Variants in S100Z observed in about 807,000 individuals in gnomAD.
S100Z encodes the protein protein S100-Z.
S100Z carries 11 observed loss-of-function variants against 8.5 expected under a neutral mutation model. The ratio of observed to expected loss-of-function variants is 1.30; its 90% confidence interval spans 0.82 to 2.15. The LOEUF (loss-of-function observed/expected upper bound fraction) is 2.15, where lower values mean the gene tolerates loss of function less well. Among genes scored for constraint, S100Z ranks in the 30% most tolerant of loss-of-function variants. The probability of loss-of-function intolerance (pLI) is 0.00; values close to 1 mark genes in which losing one functional copy is unlikely to be tolerated. For missense variants in S100Z, 126 were observed against 117.9 expected, an observed-to-expected ratio of 1.07 and a Z score of -0.32; for synonymous variants, 34 against 43.8, an observed-to-expected ratio of 0.78 and a Z score of 0.89.
chr5:76,939,144 C>T, the S100Z span, among the ~76,000 whole-genome samples: 1 of 118,008 alleles, frequency 8.5e-6, no homozygotes, highest in Non-Finnish European at 1.8e-5. Context: ...AAGTTTGGGG[C>T]TGCAAATTTT....
intron 1 of S100Z, among the ~76,000 whole-genome samples, 180 bp downstream of exon 1, chr5:76,850,335 GGAGAGA>G (rs1172691001): frequency 1.8e-5 from 2 of 111,000 alleles, no homozygotes; most frequent in Non-Finnish European, 1.8e-5. Context: ...GGGGGGTGGG[GGAGAGA>G]GAGAGAGAGA....
the S100Z span, among the ~76,000 whole-genome samples, chr5:76,939,462 A>G: frequency 6.7e-6 from 1 of 149,890 alleles, no homozygotes; most frequent in Non-Finnish European, 1.5e-5. Flanking sequence ...TGGGGCTGCA[A>G]ATTTTTATAT....
At position 76,855,886 on chromosome 5, in the gene S100Z, G is replaced by A. The variant is rs889527888; in HGVS notation, c.-176+5731G>A. Among the ~76,000 whole-genome samples the A allele has an allele frequency of 6.6e-5, 10 of 152,178 alleles. 1 individual carries two copies. The highest frequency in any genetic ancestry group is 5.9e-4 in the Admixed American group (9 of 15,274). ...TGTTGAATTGTAATCCCCACCATTGGAGGTGGGGCCTGGTGGAAGGTGATT... is the reference window on the plus strand; with the variant it reads ...TGTTGAATTGTAATCCCCACCATTGAAGGTGGGGCCTGGTGGAAGGTGATT... On this transcript the variant is annotated intron_variant, in intron 1 of 4. Coordinates refer to ENST00000317593, the MANE Select transcript of S100Z (RefSeq NM_130772.4).
chr5:76,936,479 A>T, the S100Z span, among the ~76,000 whole-genome samples: 1 of 152,158 alleles, frequency 6.6e-6, no homozygotes, highest in African/African-American at 2.4e-5. Context: ...TATTTTAAAC[A>T]ATTTTTTAAA....
intron 1 of S100Z, among the ~76,000 whole-genome samples, chr5:76,859,168 A>G (rs1387410690): frequency 2.0e-5 from 3 of 152,174 alleles, no homozygotes; most frequent in African/African-American, 4.8e-5. Context: ...ATAGCCAGAG[A>G]GTTTGCATTG....
intron 1 of S100Z, among the ~76,000 whole-genome samples, chr5:76,863,748 C>T (rs374750133): frequency 3.2e-4 from 49 of 152,140 alleles, no homozygotes; most frequent in Non-Finnish European, 5.9e-4. Context: ...CCGTGTTAGC[C>T]AGGATGGTCT....
chr5:76,906,696 G>A (rs1178210964), intron 4 of S100Z, among the ~76,000 whole-genome samples: 2 of 151,140 alleles, frequency 1.3e-5, no homozygotes, highest in South Asian at 2.1e-4. Flanking sequence ...GCAGTAGTGC[G>A]ATCTCAGCTC....
chr5:76,881,808 G>A (rs1259879109), intron 4 of S100Z, among the ~76,000 whole-genome samples: 2 of 152,196 alleles, frequency 1.3e-5, no homozygotes, highest in African/African-American at 2.4e-5. Context: ...AACTCTAGCT[G>A]CTTTTTTAGC....
the S100Z span, among the ~76,000 whole-genome samples, chr5:76,933,075 T>C: frequency 6.6e-6 from 1 of 152,252 alleles, no homozygotes; most frequent in East Asian, 1.9e-4. Context: ...CTCAAAAGGA[T>C]GTTTAAGGAT....
chr5:76,893,674 TC>T lies in S100Z; in HGVS notation c.*2+15841del, dbSNP rs527361926. ...ATTGCTCTTGAAGTAAATACTCCCC[TC>T]GCCCTGAGGAAAACACTTTCTTAGG... On this transcript the variant is annotated intron_variant, in intron 4 of 4. Transcript: ENST00000317593. Among the ~76,000 whole-genome samples the T allele has an allele frequency of 7.2e-5, 11 of 152,288 alleles. No individual in the cohort carries two copies. The South Asian group carries it at 2.3e-3, about 32-fold the overall frequency.
At chr5:76,935,879 C>A in the S100Z span, among the ~76,000 whole-genome samples, 2 of 151,784 alleles carry the variant, frequency 1.3e-5, no homozygotes, top group Non-Finnish European at 2.9e-5. Flanking sequence ...TGGGTTCAAG[C>A]AATTTTCCTG....
chr5:76,911,470 G>T (rs539397759), intron 4 of S100Z, among the ~76,000 whole-genome samples: 2 of 152,168 alleles, frequency 1.3e-5, no homozygotes, highest in African/African-American at 4.8e-5. Flanking sequence ...CTGACTCCCA[G>T]TTTCTCTTTG....
chr5:76,924,158 G>C (rs997747555), downstream of S100Z, among the ~76,000 whole-genome samples: 1 of 152,166 alleles, frequency 6.6e-6, no homozygotes, highest in Non-Finnish European at 1.5e-5. Flanking sequence ...GATTCCCAAA[G>C]AGAATTATTT....
Position 76,875,505 on chromosome 5 carries a change from G to C in S100Z, c.141+5G>C. On this transcript the variant is annotated splice_donor_5th_base_variant and intron_variant, in intron 3 of 4. Transcript: ENST00000317593. ...GAGCTCACGGAATTCCTCTCGGTGA[G>C]TCAGGCCTTTGTAAATGCTGTATTC... The C allele has an allele frequency of 1.2e-6, 2 of 1,602,190 alleles. No homozygotes were observed. The highest frequency in any genetic ancestry group is 1.7e-6 in the Non-Finnish European group (2 of 1,175,616).
intron 4 of S100Z, among the ~76,000 whole-genome samples, chr5:76,904,383 A>T (rs1744349512): frequency 6.6e-6 from 1 of 151,944 alleles, no homozygotes; most frequent in South Asian, 2.1e-4. Flanking sequence ...GGGTTCAAGC[A>T]ATTCTCCCTG....
chr5:76,852,721 C>A (rs1750765594), intron 1 of S100Z, among the ~76,000 whole-genome samples: 1 of 152,022 alleles, frequency 6.6e-6, no homozygotes, highest in African/African-American at 2.4e-5. Context: ...TCTCAAAAAA[C>A]AAACAAACAA....
chr5:76,925,107 C>T (rs112619762), downstream of S100Z, among the ~76,000 whole-genome samples: 73 of 152,092 alleles, frequency 4.8e-4, no homozygotes, highest in African/African-American at 1.6e-3. Flanking sequence ...CCACAAGGTC[C>T]GATCCCTAGG....
intron 4 of S100Z, among the ~76,000 whole-genome samples, chr5:76,893,045 C>G (rs1743921610): frequency 6.6e-6 from 1 of 152,148 alleles, no homozygotes; most frequent in Non-Finnish European, 1.5e-5. Flanking sequence ...TATTTAGGAA[C>G]AAAATGGGAG....
At chr5:76,942,861 G>C in the S100Z span, among the ~76,000 whole-genome samples, 1 of 152,140 alleles carries the variant, frequency 6.6e-6, no homozygotes, top group Admixed American at 6.6e-5. Flanking sequence ...CCCAGAGAAT[G>C]TAGAAAATTA....
Sources: allele counts gnomAD v4.1 joint callset (sites outside exome capture counted in the v4.1 genomes callset), GRCh38; gene constraint gnomAD v4.1.1; transcripts MANE v1.5; gene names NCBI Gene and HGNC (gene_info 2026-07-23, HGNC 2026-07-21).